MEGF11: variants seen among roughly 807,000 people sequenced by gnomAD.
MEGF11 encodes the protein multiple EGF like domains 11.
Under a neutral mutation model 146.6 loss-of-function variants are expected in MEGF11, and 126 were observed. That is an observed-to-expected ratio of 0.86 (90% CI 0.74 to 1.00). The LOEUF (loss-of-function observed/expected upper bound fraction) is 1.00, where lower values mean the gene tolerates loss of function less well. Among genes scored for constraint, MEGF11 ranks in the 50% least tolerant of loss-of-function variants. MEGF11 has a pLI of 0.00. For synonymous variants in MEGF11, 532 were observed against 583.4 expected (o/e 0.91, Z 1.27); for missense variants, 1,509 against 1,521.2 (o/e 0.99, Z 0.13).
intron 9 of MEGF11, among the ~76,000 whole-genome samples, chr15:65,958,952 C>T (rs72742832): frequency 0.1 from 15,946 of 152,266 alleles, 1,097 homozygotes; most frequent in Middle Eastern, 0.21. Flanking sequence ...ATGCCCTGGG[C>T]TGGCAGGGAG....
At chr15:66,122,315 C>G (rs941388294) in intron 3 of MEGF11, among the ~76,000 whole-genome samples, 1 of 151,996 alleles carries the variant, frequency 6.6e-6, no homozygotes, top group African/African-American at 2.4e-5. Flanking sequence ...GAAGACCAAC[C>G]CTGAGATGAC....
At chr15:65,938,925 C>G (rs2079882496) in intron 10 of MEGF11, among the ~76,000 whole-genome samples, 1 of 152,316 alleles carries the variant, frequency 6.6e-6, no homozygotes, top group South Asian at 2.1e-4. Context: ...TAGTTTGGCC[C>G]TGTTTGGGAA....
At chr15:65,929,961 A>G in intron 11 of MEGF11, 78 bp from the exon 12 acceptor site, 1 of 1,387,816 alleles carries the variant, frequency 7.2e-7, no homozygotes, top group African/African-American at 1.4e-5. Context: ...CCAGCTCTGC[A>G]CACAGCATTC....
intron 1 of MEGF11, among the ~76,000 whole-genome samples, chr15:66,240,220 C>T (rs1313794243): frequency 1.3e-5 from 2 of 152,238 alleles, no homozygotes; most frequent in African/African-American, 4.8e-5. Flanking sequence ...AGGAAAGACA[C>T]ATGAGAGAAG....
intron 5 of MEGF11, among the ~76,000 whole-genome samples, chr15:66,001,951 T>C (rs561476686): frequency 3.3e-5 from 5 of 152,254 alleles, no homozygotes; most frequent in African/African-American, 1.2e-4. Context: ...TCTCCTCTTC[T>C]GGGTCAGGGC....
At chr15:65,920,695 G>C (rs891445553) in intron 15 of MEGF11, among the ~76,000 whole-genome samples, 9 of 152,258 alleles carry the variant, frequency 5.9e-5, no homozygotes, top group Admixed American at 2.0e-4. Context: ...TTTAATCTGT[G>C]TTTAATGATT....
intron 1 of MEGF11, among the ~76,000 whole-genome samples, chr15:66,130,645 G>A (rs1236421924): frequency 1.1e-5 from 1 of 87,962 alleles, no homozygotes; most frequent in Non-Finnish European, 2.3e-5. Flanking sequence ...AGGAAAAAAA[G>A]GAAAGAAATA....
chr15:65,935,619 GT>G (rs1465334412), intron 10 of MEGF11, among the ~76,000 whole-genome samples: 1 of 151,996 alleles, frequency 6.6e-6, no homozygotes. Context: ...AACTCTTTGT[GT>G]TTTTTTTCCA....
chr15:65,988,198 G>A (rs151239649), intron 5 of MEGF11, among the ~76,000 whole-genome samples: 119 of 151,640 alleles, frequency 7.8e-4, no homozygotes, highest in Middle Eastern at 3.4e-3. Flanking sequence ...TTGTAGGGAT[G>A]GGATTTCACC....
chr15:66,019,037 C>T (rs921118732), intron 5 of MEGF11, among the ~76,000 whole-genome samples: 3 of 152,202 alleles, frequency 2.0e-5, no homozygotes, highest in African/African-American at 7.2e-5. Context: ...CCCATCACCA[C>T]GACTCCAGGC....
At chr15:66,221,294 C>T (rs550684627) in intron 1 of MEGF11, among the ~76,000 whole-genome samples, 4 of 152,142 alleles carry the variant, frequency 2.6e-5, no homozygotes, top group South Asian at 2.1e-4. Flanking sequence ...CGCTCCAGCA[C>T]GCCTGCCTCC....
At chr15:66,081,282 A>G (rs2085844062) in intron 5 of MEGF11, among the ~76,000 whole-genome samples, 1 of 152,232 alleles carries the variant, frequency 6.6e-6, no homozygotes, top group Non-Finnish European at 1.5e-5. Context: ...GGAGGTCACC[A>G]GGGCCTCGGA....
At chr15:66,074,210 G>A (rs1273128799) in intron 5 of MEGF11, among the ~76,000 whole-genome samples, 1 of 152,114 alleles carries the variant, frequency 6.6e-6, no homozygotes, top group African/African-American at 2.4e-5. Flanking sequence ...TGAATGGACC[G>A]ATAAATAACA....
chr15:66,028,110 T>C (rs992112695), intron 5 of MEGF11, among the ~76,000 whole-genome samples: 3 of 152,158 alleles, frequency 2.0e-5, no homozygotes, highest in Non-Finnish European at 4.4e-5. Flanking sequence ...GTAAGATGTC[T>C]CTGTACCCAG....
Position 65,929,736 on chromosome 15 carries a change from C to T in MEGF11, c.1556G>A (p.Cys519Tyr). 3 of 1,551,940 alleles carry T rather than the reference C, an allele frequency of 1.9e-6. No individual in the cohort carries two copies. Among genetic ancestry groups the T allele is most frequent in the Non-Finnish European group, 2.6e-6 (3 of 1,147,172 alleles). Reference sequence around the variant, plus strand: ...GGCACTCACCGGGCAAGGCAGCTCACAGGTGTCTCCCAGCCAGCCAGGAGT... The same window carrying T: ...GGCACTCACCGGGCAAGGCAGCTCATAGGTGTCTCCCAGCCAGCCAGGAGT... ...SCTPGWLGDT[C>Y]ELPCPDGTFG... Residue 519 changes from cysteine to tyrosine, a missense_variant, in exon 12 of 26, where the codon TGT becomes TAT. By Grantham distance (194) the Cys-to-Tyr change is radical. Coordinates refer to ENST00000395614, the MANE Select transcript of MEGF11 (RefSeq NM_001385028.1).
chr15:66,252,630 G>T (rs2092392417), intron 1 of MEGF11, among the ~76,000 whole-genome samples: 2 of 152,238 alleles, frequency 1.3e-5, no homozygotes, highest in African/African-American at 4.8e-5. Context: ...GCGCTCCCGG[G>T]CTCAGGACAG....
chr15:66,071,547 C>A (rs375449788), intron 5 of MEGF11, among the ~76,000 whole-genome samples: 6 of 152,202 alleles, frequency 3.9e-5, no homozygotes, highest in Non-Finnish European at 8.8e-5. Flanking sequence ...AACGGCAGAC[C>A]GGCCTGTGTG....
intron 1 of MEGF11, among the ~76,000 whole-genome samples, chr15:66,200,137 T>C (rs1161969706): frequency 6.6e-6 from 1 of 152,252 alleles, no homozygotes; most frequent in African/African-American, 2.4e-5. Context: ...TGCCAGAAGC[T>C]TTGTTTGCCT....
intron 5 of MEGF11, among the ~76,000 whole-genome samples, chr15:66,028,572 G>T (rs543669305): frequency 1.1e-4 from 17 of 152,200 alleles, no homozygotes; most frequent in African/African-American, 3.9e-4. Flanking sequence ...TCATTCAAAA[G>T]AATAACAATT....
Sources: gnomAD v4.1 joint callset for allele counts (sites outside exome capture counted in the v4.1 genomes callset) on GRCh38, gnomAD v4.1.1 for gene constraint, MANE v1.5 for transcripts, NCBI Gene and HGNC (gene_info 2026-07-23, HGNC 2026-07-21) for gene names.